SPIN1: variants seen among roughly 807,000 people sequenced by gnomAD.
SPIN1 encodes spindlin-1.
SPIN1 carries 3 observed loss-of-function variants against 26.0 expected under a neutral mutation model. The ratio of observed to expected loss-of-function variants is 0.12; its 90% CI spans 0.05 to 0.30. The LOEUF (loss-of-function observed/expected upper bound fraction) is 0.30. Ranked by LOEUF, SPIN1 falls within the 10% of genes least tolerant of loss-of-function variation. The probability of loss-of-function intolerance (pLI) is 1.00; values close to 1 mark genes in which losing one functional copy is unlikely to be tolerated. For synonymous variants in SPIN1, 101 were observed against 116.5 expected (o/e 0.87, Z 0.86); for missense variants, 126 against 333.4 (o/e 0.38, Z 4.84).
At chr9:88,457,453 C>T (rs1047578964) in intron 3 of SPIN1, among the ~76,000 whole-genome samples, 3 of 152,066 alleles carry the variant, frequency 2.0e-5, no homozygotes, top group African/African-American at 2.4e-5. Context: ...TCACGTGAAC[C>T]TGGGAGGTGG....
intron 3 of SPIN1, among the ~76,000 whole-genome samples, chr9:88,451,121 A>C (rs1036237685): frequency 5.3e-5 from 8 of 151,956 alleles, no homozygotes; most frequent in African/African-American, 1.5e-4. Flanking sequence ...ATAAAAAAAA[A>C]ACAGAACTAT....
chr9:88,396,828 C>T (rs984580364), intron 1 of SPIN1, among the ~76,000 whole-genome samples: 1 of 152,098 alleles, frequency 6.6e-6, no homozygotes, highest in African/African-American at 2.4e-5. Flanking sequence ...GCTTAATGCT[C>T]CTAGGCTACA....
chr9:88,471,293 AT>A (rs202076857), intron 5 of SPIN1, among the ~76,000 whole-genome samples: 3 of 148,880 alleles, frequency 2.0e-5, no homozygotes, highest in African/African-American at 5.0e-5. Context: ...GTCCAACTTC[AT>A]TTTTTTTTGC....
intron 1 of SPIN1, chr9:88,389,253 G>A (rs762953830): frequency 6.6e-6 from 1 of 152,258 alleles, no homozygotes; most frequent in Non-Finnish European, 1.5e-5. Context: ...GCTCTGGAGA[G>A]AGACAGGCAC....
At chr9:88,400,017 C>CTGCT (rs1160723484) in intron 1 of SPIN1, among the ~76,000 whole-genome samples, 1 of 152,134 alleles carries the variant, frequency 6.6e-6, no homozygotes, top group Non-Finnish European at 1.5e-5. Flanking sequence ...TCCTTAAATG[C>CTGCT]TGCTCTGCTG....
chr9:88,463,107 T>G (rs1693435889), intron 4 of SPIN1, among the ~76,000 whole-genome samples: 1 of 152,234 alleles, frequency 6.6e-6, no homozygotes, highest in Non-Finnish European at 1.5e-5. Context: ...GATAAGAGAA[T>G]GCTGTGCCTT....
intron 1 of SPIN1, among the ~76,000 whole-genome samples, chr9:88,393,484 C>G (rs1172620357): frequency 9.6e-6 from 1 of 104,052 alleles, no homozygotes; most frequent in Admixed American, 1.5e-4. Context: ...GAGACGGAGT[C>G]TCCCTCTGTC....
chr9:88,432,735 C>T (rs576327041), intron 2 of SPIN1, among the ~76,000 whole-genome samples: 2 of 152,144 alleles, frequency 1.3e-5, no homozygotes, highest in Admixed American at 6.5e-5. Flanking sequence ...GATCTGCCTG[C>T]CTTGACCTTC....
At position 88,405,083 on chromosome 9, in the gene SPIN1, C is replaced by G. The variant is rs1346060693; in HGVS notation, c.-159+16545C>G. On this transcript the variant is annotated intron_variant, in intron 1 of 5. Transcript: ENST00000375859. ...TCTTCTGGAGTACCTCCTGAAGGAC[C>G]TGCCTGAGGCTGTTTTACAGTTAAC... is the stretch of plus-strand genomic sequence containing the variant. Among the ~76,000 whole-genome samples the G allele has an allele frequency of 2.0e-5, 3 of 152,090 alleles. No individual in the cohort carries two copies. The East Asian group carries it at 5.8e-4, about 29-fold the overall frequency.
chr9:88,415,196 G>T (rs768206581), intron 1 of SPIN1, among the ~76,000 whole-genome samples: 1 of 152,004 alleles, frequency 6.6e-6, no homozygotes, highest in Non-Finnish European at 1.5e-5. Flanking sequence ...GAACCACTGC[G>T]CCTGGCCTAA....
Position 88,426,450 on chromosome 9 carries a change from A to C in SPIN1, c.-90A>C. On this transcript the variant is annotated 5_prime_UTR_variant, in exon 2 of 6. Transcript: ENST00000375859. ...ACACTTGGATGGTGGATTAACCAGA[A>C]CACTAACATTCTGTGAAAAGTTTCA... 3 of 1,042,306 alleles carry C rather than the reference A, an allele frequency of 2.9e-6. No individual in the cohort carries two copies. The highest frequency in any genetic ancestry group is 4.4e-6 in the Non-Finnish European group (3 of 685,176). The allele number at this position is 1,042,306 out of a possible 1,614,324, so 64.6% of individuals were successfully genotyped here. A position where few individuals can be genotyped will look rare whatever the true frequency, so the allele number is the denominator to read the frequency against.
intron 1 of SPIN1, chr9:88,410,441 T>G (rs1827418795): frequency 1.8e-5 from 12 of 649,384 alleles, no homozygotes; most frequent in East Asian, 9.3e-5. Context: ...GCCACCACTG[T>G]GCTTGGCTGA....
At chr9:88,411,672 C>A (rs1173567793) in intron 1 of SPIN1, among the ~76,000 whole-genome samples, 2 of 152,004 alleles carry the variant, frequency 1.3e-5, no homozygotes, top group African/African-American at 2.4e-5. Flanking sequence ...CATCGGCATG[C>A]CTGACTAATT....
At chr9:88,466,068 A>G (rs1828661825) in intron 4 of SPIN1, among the ~76,000 whole-genome samples, 1 of 152,140 alleles carries the variant, frequency 6.6e-6, no homozygotes, top group South Asian at 2.1e-4. Flanking sequence ...ATGTTTCTAG[A>G]TTTGTTTTTC....
chr9:88,468,131 T>C (rs181978027), intron 4 of SPIN1, among the ~76,000 whole-genome samples: 1 of 152,150 alleles, frequency 6.6e-6, no homozygotes, highest in South Asian at 2.1e-4. Context: ...AAAAATCATA[T>C]TTTTTTCAAT....
chr9:88,405,917 C>A (rs543547512), intron 1 of SPIN1, among the ~76,000 whole-genome samples: 2 of 152,078 alleles, frequency 1.3e-5, no homozygotes, highest in Admixed American at 6.6e-5. Flanking sequence ...CTCACTGCAA[C>A]CTCTGCCTCC....
chr9:88,404,777 G>C (rs1402100972), intron 1 of SPIN1, among the ~76,000 whole-genome samples: 2 of 151,844 alleles, frequency 1.3e-5, no homozygotes. Flanking sequence ...GTAGCCGGGC[G>C]TAGTGGCAGG....
intron 2 of SPIN1, among the ~76,000 whole-genome samples, chr9:88,446,409 T>TTTTG: frequency 1.3e-5 from 1 of 78,786 alleles, no homozygotes; most frequent in African/African-American, 2.3e-4. Flanking sequence ...TGGTTTGCTG[T>TTTTG]TTTTTTTTTT....
At chr9:88,443,741 C>T (rs576102956) in intron 2 of SPIN1, among the ~76,000 whole-genome samples, 1 of 152,202 alleles carries the variant, frequency 6.6e-6, no homozygotes, top group Admixed American at 6.5e-5. Flanking sequence ...CTATGATTGC[C>T]CGTCAATCTT....
Sources: gnomAD v4.1 joint callset for allele counts (sites outside exome capture counted in the v4.1 genomes callset) on GRCh38, gnomAD v4.1.1 for gene constraint, MANE v1.5 for transcripts, NCBI Gene and HGNC (gene_info 2026-07-23, HGNC 2026-07-21) for gene names.